The following PTPRK variants were observed in gnomAD, a reference collection of about 807,000 sequenced individuals.
PTPRK encodes the protein protein tyrosine phosphatase receptor type K, also known as receptor-type tyrosine-protein phosphatase kappa.
Under a neutral mutation model 178.0 loss-of-function variants are expected in PTPRK, and 75 were observed. That is an observed-to-expected ratio of 0.42 (90% CI 0.35 to 0.51). The LOEUF (loss-of-function observed/expected upper bound fraction) is 0.51, where lower values mean the gene tolerates loss of function less well. Ranked by LOEUF, PTPRK falls within the 20% of genes least tolerant of loss-of-function variation. The probability of loss-of-function intolerance (pLI) is 0.02; values close to 1 mark genes in which losing one functional copy is unlikely to be tolerated. For missense variants in PTPRK, 1,441 were observed against 1,797.8 expected (o/e 0.80, Z 3.59); for synonymous variants, 637 against 620.6 (o/e 1.03, Z -0.39).
chr6:128,469,763 T>C (rs1275499179), intron 1 of PTPRK, among the ~76,000 whole-genome samples: 3 of 152,012 alleles, frequency 2.0e-5, no homozygotes, highest in East Asian at 1.9e-4. Context: ...ATTACCAAGG[T>C]GTACCCAATA....
intron 2 of PTPRK, among the ~76,000 whole-genome samples, chr6:128,324,345 T>A (rs1347944680): frequency 1.3e-5 from 2 of 152,140 alleles, no homozygotes; most frequent in Non-Finnish European, 2.9e-5. Context: ...AACTTTGGAG[T>A]AAAAATATGC....
At chr6:128,237,457 C>T (rs1813499609) in intron 5 of PTPRK, among the ~76,000 whole-genome samples, 1 of 152,092 alleles carries the variant, frequency 6.6e-6, no homozygotes. Context: ...CCATTTTTCC[C>T]CATGCAAAAC....
chr6:128,302,664 T>C (rs17055586), intron 3 of PTPRK, among the ~76,000 whole-genome samples: 8,055 of 151,074 alleles, frequency 0.053, 715 homozygotes, highest in African/African-American at 0.18. Flanking sequence ...ACTTAACTCG[T>C]TATATGTTGC....
intron 2 of PTPRK, among the ~76,000 whole-genome samples, chr6:128,365,462 T>C (rs1177860433): frequency 6.6e-6 from 1 of 152,124 alleles, no homozygotes; most frequent in Non-Finnish European, 1.5e-5. Flanking sequence ...ATAAAAATAC[T>C]TCCAGAGAAT....
intron 2 of PTPRK, among the ~76,000 whole-genome samples, chr6:128,325,047 A>T (rs1399336746): frequency 6.6e-6 from 1 of 152,178 alleles, no homozygotes; most frequent in Non-Finnish European, 1.5e-5. Context: ...ACAAGAGTTT[A>T]GTTATCTCAA....
chr6:128,417,067 T>A (rs1198750742), intron 1 of PTPRK, among the ~76,000 whole-genome samples: 2 of 150,818 alleles, frequency 1.3e-5, no homozygotes, highest in African/African-American at 4.9e-5. Context: ...TGTGTATATA[T>A]ATATACTGTA....
chr6:128,342,138 A>G (rs1350725136), intron 2 of PTPRK, among the ~76,000 whole-genome samples: 1 of 152,002 alleles, frequency 6.6e-6, no homozygotes, highest in Non-Finnish European at 1.5e-5. Flanking sequence ...TGGTAATCCC[A>G]GCTACTCAGG....
intron 7 of PTPRK, among the ~76,000 whole-genome samples, chr6:128,099,466 T>A (rs1788440164): frequency 6.6e-6 from 1 of 152,156 alleles, no homozygotes; most frequent in East Asian, 1.9e-4. Flanking sequence ...TCCAAGTATG[T>A]TCTTCTCATT....
chr6:128,350,118 G>A (rs757702489), intron 2 of PTPRK, among the ~76,000 whole-genome samples: 1 of 152,066 alleles, frequency 6.6e-6, no homozygotes, highest in African/African-American at 2.4e-5. Flanking sequence ...GATGGGGATG[G>A]CAGAAGGGGA....
intron 1 of PTPRK, among the ~76,000 whole-genome samples, chr6:128,478,280 G>A (rs1240775136): frequency 6.6e-6 from 1 of 152,040 alleles, no homozygotes; most frequent in Non-Finnish European, 1.5e-5. Context: ...AAATACATGA[G>A]ACCTTCCTTT....
chr6:128,280,986 T>C (rs916965702), intron 3 of PTPRK, among the ~76,000 whole-genome samples: 3 of 151,986 alleles, frequency 2.0e-5, no homozygotes, highest in Admixed American at 6.6e-5. Flanking sequence ...GAAAAAAAAA[T>C]CTAGGTGATA....
intron 13 of PTPRK, among the ~76,000 whole-genome samples, chr6:128,026,634 G>T (rs1003403063): frequency 1.3e-5 from 2 of 152,084 alleles, no homozygotes; most frequent in African/African-American, 4.8e-5. Flanking sequence ...TACTATTAAG[G>T]ATTAAGAAAG....
intron 7 of PTPRK, among the ~76,000 whole-genome samples, chr6:128,125,397 C>G (rs1017138078): frequency 1.3e-5 from 2 of 151,980 alleles, no homozygotes; most frequent in Non-Finnish European, 2.9e-5. Flanking sequence ...CTGCTCCTGC[C>G]ATGTAAGACA....
At chr6:127,992,023 C>A (rs1776667499) in intron 19 of PTPRK, among the ~76,000 whole-genome samples, 2 of 151,650 alleles carry the variant, frequency 1.3e-5, no homozygotes, top group African/African-American at 4.8e-5. Flanking sequence ...GTAAACCTAG[C>A]TTTTGTTTTA....
chr6:128,026,102 T>C (rs1257360731), intron 13 of PTPRK, among the ~76,000 whole-genome samples: 1 of 152,116 alleles, frequency 6.6e-6, no homozygotes, highest in Admixed American at 6.5e-5. Context: ...ATCTAAACAG[T>C]AAGAGAGAGA....
intron 11 of PTPRK, among the ~76,000 whole-genome samples, chr6:128,077,144 G>A (rs1042011879): frequency 1.3e-5 from 2 of 152,040 alleles, no homozygotes; most frequent in African/African-American, 4.8e-5. Context: ...TTAAGCACCA[G>A]TAACAGAAGT....
At chr6:128,252,247 T>C (rs1171051952) in intron 3 of PTPRK, among the ~76,000 whole-genome samples, 4 of 152,210 alleles carry the variant, frequency 2.6e-5, no homozygotes, top group African/African-American at 9.6e-5. Context: ...CCTAATGTAA[T>C]CACTAAAAGT....
intron 3 of PTPRK, among the ~76,000 whole-genome samples, chr6:128,285,956 A>G (rs1822438059): frequency 6.6e-6 from 1 of 151,978 alleles, no homozygotes. Context: ...CCTTGTTCGA[A>G]CCGTGATCCA....
Position 128,241,939 on chromosome 6 carries a change from G to A in PTPRK, c.577+582C>T, listed in dbSNP as rs1241583493. On this transcript the variant is annotated intron_variant, in intron 4 of 29. Transcript: ENST00000368226. ...TGGGATTACAGGTGTGCACCACCAC[G>A]CCTGGCTAATTTTTTTTTTTTTTTT... 3.6e-4 allele frequency among the ~76,000 whole-genome samples: 53 copies of A among 146,868 alleles called. 1 individual carries two copies. Among genetic ancestry groups the A allele is most frequent in the Admixed American group, 2.9e-3 (43 of 14,950 alleles).
Sources: gnomAD v4.1 joint callset for allele counts (sites outside exome capture counted in the v4.1 genomes callset) on GRCh38, gnomAD v4.1.1 for gene constraint, MANE v1.5 for transcripts, NCBI Gene and HGNC (gene_info 2026-07-23, HGNC 2026-07-21) for gene names.